Variants in BMPR1A observed in about 807,000 individuals in gnomAD.
The protein encoded by BMPR1A is bone morphogenetic protein receptor type-1A.
BMPR1A carries 7 observed loss-of-function variants against 66.0 expected under a neutral mutation model. The observed-to-expected ratio is 0.11, with a 90% CI of 0.06 to 0.20. The LOEUF (loss-of-function observed/expected upper bound fraction) is 0.20, where lower values mean the gene tolerates loss of function less well. Among genes scored for constraint, BMPR1A ranks in the 10% least tolerant of loss-of-function variants. BMPR1A has a pLI of 1.00. For missense variants in BMPR1A, 408 were observed against 669.1 expected (o/e 0.61, Z 4.31); for synonymous variants, 200 against 229.7 (o/e 0.87, Z 1.17).
intron 1 of BMPR1A, among the ~76,000 whole-genome samples, chr10:86,804,764 A>T (rs986999174): frequency 7.7e-6 from 1 of 129,352 alleles, no homozygotes; most frequent in African/African-American, 3.0e-5. Context: ...AAAAGTTTTG[A>T]ATTTATTTTA....
chr10:86,856,779 G>GT (rs1044259636), intron 2 of BMPR1A, among the ~76,000 whole-genome samples: 2 of 152,212 alleles, frequency 1.3e-5, no homozygotes, highest in Non-Finnish European at 2.9e-5. Flanking sequence ...CAAGTTAAAA[G>GT]TTTGGTGGTC....
At chr10:86,866,410 T>TCTTTTTTTTC (rs1227898234) in intron 2 of BMPR1A, among the ~76,000 whole-genome samples, 2 of 114,938 alleles carry the variant, frequency 1.7e-5, no homozygotes, top group East Asian at 5.1e-4. Flanking sequence ...TTTTTTTTTT[T>TCTTTTTTTTC]TTTTTTTTTT....
chr10:86,895,537 CA>C (rs1246016427), intron 5 of BMPR1A, among the ~76,000 whole-genome samples: 170 of 137,970 alleles, frequency 1.2e-3, no homozygotes, highest in Non-Finnish European at 1.0e-3. Context: ...AAACTCCATC[CA>C]AAAAAAAAAA....
At chr10:86,760,484 C>T (rs1243929698) in intron 1 of BMPR1A, among the ~76,000 whole-genome samples, 3 of 151,938 alleles carry the variant, frequency 2.0e-5, no homozygotes, top group Non-Finnish European at 4.4e-5. Flanking sequence ...TTGATCCGCT[C>T]GCCTCAGCCT....
intron 1 of BMPR1A, among the ~76,000 whole-genome samples, chr10:86,829,374 CA>C (rs1382526195): frequency 1.3e-5 from 2 of 151,992 alleles, no homozygotes; most frequent in African/African-American, 4.8e-5. Context: ...CAGGAAATTG[CA>C]AAAAATAGTA....
chr10:86,880,459 C>G (rs4934280), intron 3 of BMPR1A, among the ~76,000 whole-genome samples: 1 of 152,044 alleles, frequency 6.6e-6, no homozygotes, highest in Non-Finnish European at 1.5e-5. Flanking sequence ...TGTCTTTCTC[C>G]GTCGAAGACT....
intron 1 of BMPR1A, among the ~76,000 whole-genome samples, chr10:86,772,126 GTTTT>G (rs777280640): frequency 6.8e-5 from 6 of 88,880 alleles, no homozygotes; most frequent in Non-Finnish European, 1.0e-4. Flanking sequence ...TCAGAGATAG[GTTTT>G]TTTTTTTTTT....
chr10:86,855,262 G>T, intron 2 of BMPR1A: 1 of 1,094,506 alleles, frequency 9.1e-7, no homozygotes, highest in Non-Finnish European at 1.2e-6. Flanking sequence ...GCATAATTCT[G>T]GCCATACAAA....
intron 5 of BMPR1A, among the ~76,000 whole-genome samples, chr10:86,895,328 A>G (rs1488782853): frequency 1.3e-5 from 2 of 152,126 alleles, no homozygotes; most frequent in Non-Finnish European, 2.9e-5. Flanking sequence ...ATCTGAGGTC[A>G]GGACTTAGAG....
Position 86,901,535 on chromosome 10 carries a change from A to G in BMPR1A, c.530+1409A>G, listed in dbSNP as rs1197378577. Among the ~76,000 whole-genome samples the G allele has an allele frequency of 2.6e-5, 4 of 152,198 alleles. No individual in the cohort carries two copies. In the East Asian group the frequency reaches 5.8e-4, roughly 22 times the overall value. ...TTTCTCAATTTCTAACCTAAGAATCAGACTTTTTGGGTGTGCAAAGTCACT... is the reference window on the plus strand; with the variant it reads ...TTTCTCAATTTCTAACCTAAGAATCGGACTTTTTGGGTGTGCAAAGTCACT... On this transcript the variant is annotated intron_variant, in intron 7 of 12. Transcript: ENST00000372037.
intron 2 of BMPR1A, among the ~76,000 whole-genome samples, chr10:86,841,438 AT>A (rs1324180872): frequency 6.6e-6 from 1 of 152,232 alleles, no homozygotes; most frequent in African/African-American, 2.4e-5. Flanking sequence ...ACAAAGGTGT[AT>A]TGGCATCACC....
At chr10:86,770,397 G>A (rs1841236935) in intron 1 of BMPR1A, among the ~76,000 whole-genome samples, 1 of 148,150 alleles carries the variant, frequency 6.7e-6, no homozygotes, top group Admixed American at 6.6e-5. Context: ...GCGAGAGAGA[G>A]ACCCTGTCTC....
chr10:86,810,706 CT>C (rs1259192422), intron 1 of BMPR1A, among the ~76,000 whole-genome samples: 2 of 152,140 alleles, frequency 1.3e-5, no homozygotes, highest in African/African-American at 4.8e-5. Context: ...TGCATATGTT[CT>C]TTGGAGAACT....
chr10:86,779,626 A>C (rs577932638), intron 1 of BMPR1A, among the ~76,000 whole-genome samples: 1 of 152,136 alleles, frequency 6.6e-6, no homozygotes, highest in African/African-American at 2.4e-5. Context: ...TTTAGACAGA[A>C]TCTTGCTCTG....
intron 1 of BMPR1A, among the ~76,000 whole-genome samples, chr10:86,785,933 C>T (rs1197292621): frequency 1.3e-5 from 2 of 152,182 alleles, no homozygotes; most frequent in Non-Finnish European, 2.9e-5. Context: ...TTCATTTATT[C>T]TCCCAGTGTG....
chr10:86,778,996 G>A (rs1841397233), intron 1 of BMPR1A, among the ~76,000 whole-genome samples: 1 of 145,806 alleles, frequency 6.9e-6, no homozygotes, highest in Non-Finnish European at 1.5e-5. Flanking sequence ...TTGAACTCCT[G>A]ACTTCAAGTG....
In BMPR1A at chr10:86,879,585, C is replaced by G. The variant is rs555285118; in HGVS notation, c.67+3500C>G. ...CTGGGTACCACATTTGTTGACCTGA[C>G]ATCATACATATGCTAAAATGCTCAT... On this transcript the variant is annotated intron_variant, in intron 3 of 12. Coordinates refer to ENST00000372037, the MANE Select transcript of BMPR1A (RefSeq NM_004329.3). Among the ~76,000 whole-genome samples, 19 of 152,338 alleles carry G rather than the reference C, an allele frequency of 1.2e-4. 1 individual carries two copies. In the South Asian group the frequency reaches 2.7e-3, roughly 22 times the overall value.
intron 1 of BMPR1A, among the ~76,000 whole-genome samples, chr10:86,811,869 C>G (rs1490838311): frequency 6.6e-6 from 1 of 151,842 alleles, no homozygotes; most frequent in Non-Finnish European, 1.5e-5. Context: ...CGCTTGAGCC[C>G]AGGAATTGAA....
intron 7 of BMPR1A, among the ~76,000 whole-genome samples, chr10:86,904,370 T>C (rs1564719430): frequency 6.6e-6 from 1 of 152,208 alleles, no homozygotes; most frequent in Non-Finnish European, 1.5e-5. Context: ...GCAGAGTATC[T>C]ACAGAGGCAC....
Sources: gnomAD v4.1 joint callset for allele counts (sites outside exome capture counted in the v4.1 genomes callset) on GRCh38, gnomAD v4.1.1 for gene constraint, MANE v1.5 for transcripts, NCBI Gene and HGNC (gene_info 2026-07-23, HGNC 2026-07-21) for gene names.